YLPM1: variants seen among roughly 807,000 people sequenced by gnomAD.
YLPM1 encodes the protein YLP motif-containing protein 1.
In YLPM1, 99 loss-of-function variants were observed where a neutral mutation model predicts 230.0. That is an observed-to-expected ratio of 0.43 (90% CI 0.37 to 0.51). YLPM1 has a LOEUF of 0.51. Among genes scored for constraint, YLPM1 ranks in the 20% least tolerant of loss-of-function variants. The pLI is 0.00. For missense variants in YLPM1, 2,592 were observed against 2,707.7 expected (o/e 0.96, Z 0.95); for synonymous variants, 984 against 942.5 (o/e 1.04, Z -0.81).
intron 17 of YLPM1, 57 bp downstream of exon 17, chr14:74,821,194 G>A (rs1276722533): frequency 2.7e-6 from 4 of 1,498,398 alleles, no homozygotes; most frequent in African/African-American, 1.4e-5. Context: ...TCTTAAAGAA[G>A]GTTTAAATTC....
intron 4 of YLPM1, among the ~76,000 whole-genome samples, chr14:74,795,864 G>A (rs1306482804): frequency 1.3e-5 from 2 of 152,188 alleles, no homozygotes; most frequent in Non-Finnish European, 2.9e-5. Flanking sequence ...TTCTCTCTTA[G>A]GACTTAGGTG....
chr14:74,770,522 G>T (rs1004675230), intron 1 of YLPM1, among the ~76,000 whole-genome samples: 1 of 151,648 alleles, frequency 6.6e-6, no homozygotes, highest in Non-Finnish European at 1.5e-5. Flanking sequence ...CTACTTGGGA[G>T]GCTGAGGTGG....
intron 11 of YLPM1, 80 bp downstream of exon 11, chr14:74,812,862 T>A: frequency 6.8e-7 from 1 of 1,470,044 alleles, no homozygotes; most frequent in Non-Finnish European, 9.1e-7. Context: ...AGAATTTCTT[T>A]ATTTTTCTGC....
At chr14:74,788,755 A>G (rs1339256548) in intron 4 of YLPM1, among the ~76,000 whole-genome samples, 3 of 152,070 alleles carry the variant, frequency 2.0e-5, no homozygotes, top group South Asian at 4.2e-4. Flanking sequence ...AGGTGGGAGG[A>G]TCGCTTGAGC....
Position 74,821,063 on chromosome 14 carries a change from A to C in YLPM1, c.6037A>C (p.Met2013Leu). The C allele has an allele frequency of 6.6e-7, 1 of 1,517,418 alleles. No individual in the cohort carries two copies. The highest frequency in any genetic ancestry group is 8.8e-7 in the Non-Finnish European group (1 of 1,133,408). 94.0% of individuals were successfully genotyped at this position (1,517,418 alleles called of 1,614,324 possible). Residue 2013 changes from methionine (M) to leucine (L), a missense_variant, in exon 17 of 21, where the codon ATG becomes CTG. Met to Leu is a conservative substitution (Grantham distance 15, BLOSUM62 2). This residue lies in a region of YLPM1 where 315 missense variants were observed against 429.3 expected (regional missense o/e 0.73). Coordinates refer to ENST00000325680, the MANE Select transcript of YLPM1 (RefSeq NM_019589.3). ...LQDAAIEEVEMEDFDANIEEQ... is the reference protein window; with the variant it reads ...LQDAAIEEVELEDFDANIEEQ... ...TTTTTAATGGTTGGTATAGGTAGAG[A>C]TGGAAGATTTTGATGCAAATATCGA...
chr14:74,836,540 C>G lies in YLPM1; in HGVS notation c.*802C>G, dbSNP rs2140151232. 1 of 152,388 alleles carries G rather than the reference C, an allele frequency of 6.6e-6. No individual in the cohort carries two copies. The highest frequency in any genetic ancestry group is 2.4e-5 in the African/African-American group (1 of 41,544). 9.4% of individuals were successfully genotyped at this position (152,388 alleles called of 1,614,324 possible). ...CTTCTTTCCTTCCTTCTTCTTTTCA[C>G]TTTCTGCCTTTATGCTGTTAGGTTT... On this transcript the variant is annotated 3_prime_UTR_variant, in exon 21 of 21. Coordinates refer to ENST00000325680, the MANE Select transcript of YLPM1 (RefSeq NM_019589.3).
chr14:74,835,468 A>G, intron 20 of YLPM1, 21 bp downstream of exon 20: 3 of 1,586,568 alleles, frequency 1.9e-6, no homozygotes, highest in South Asian at 2.3e-5. Context: ...ACAGTCATAT[A>G]AATAGCCTAC....
chr14:74,825,957 C>T (rs527418525), intron 18 of YLPM1, among the ~76,000 whole-genome samples: 30 of 152,162 alleles, frequency 2.0e-4, no homozygotes, highest in Admixed American at 1.4e-3. Flanking sequence ...ACATTCTGGC[C>T]CGTCTACCAT....
chr14:74,764,990 A>G (rs1438436658), intron 1 of YLPM1, among the ~76,000 whole-genome samples: 2 of 152,180 alleles, frequency 1.3e-5, no homozygotes, highest in African/African-American at 2.4e-5. Flanking sequence ...ATTGACCCAG[A>G]CATCCTTTTC....
chr14:74,775,388 G>A (rs1385078642), intron 1 of YLPM1, among the ~76,000 whole-genome samples: 1 of 152,158 alleles, frequency 6.6e-6, no homozygotes, highest in East Asian at 1.9e-4. Context: ...TGAGAAAAAG[G>A]TATGTATTAT....
At chr14:74,797,148 ATTTTTTT>A in intron 4 of YLPM1, among the ~76,000 whole-genome samples, 1 of 100,780 alleles carries the variant, frequency 9.9e-6, no homozygotes, top group Admixed American at 1.1e-4. Flanking sequence ...AAATTTTTGT[ATTTTTTT>A]TTTTTTTTTT....
intron 11 of YLPM1, among the ~76,000 whole-genome samples, chr14:74,814,078 G>A (rs548150892): frequency 1.3e-4 from 20 of 152,308 alleles, no homozygotes; most frequent in South Asian, 6.2e-4. Context: ...TAAGAATGAT[G>A]TTGCTGGGTG....
Position 74,798,208 on chromosome 14 carries a change from G to A in YLPM1, c.2911G>A (p.Val971Ile). Residue 971 changes from valine to isoleucine, a missense_variant, in exon 5 of 21, where the codon GTA (valine) becomes ATA (isoleucine). Val to Ile is a conservative substitution (Grantham distance 29). Around this residue, in one of 4 missense-constraint regions of YLPM1, gnomAD observed 1,862 missense variants for 1,819.8 expected, o/e 1.02. Coordinates refer to ENST00000325680, the MANE Select transcript of YLPM1 (RefSeq NM_019589.3). ...KTGGMEGGTA[V>I]ATSSLTADND... ...AGGGGGGATGGAGGGAGGAACAGCA[G>A]TAGCAACATCATCATTAACAGCAGA... is the stretch of plus-strand genomic sequence containing the variant. 3 of 1,614,022 alleles carry A rather than the reference G, an allele frequency of 1.9e-6. No individual in the cohort carries two copies. The highest frequency in any genetic ancestry group is 2.5e-6 in the Non-Finnish European group (3 of 1,179,892).
chr14:74,798,652 A>G lies in YLPM1; in HGVS notation c.3355A>G (p.Ser1119Gly). The G allele has an allele frequency of 6.2e-7, 1 of 1,612,086 alleles. No individual in the cohort carries two copies. Among genetic ancestry groups the G allele is most frequent in the South Asian group, 1.1e-5 (1 of 90,918 alleles). Residue 1119 changes from serine (S) to glycine (G), a missense_variant, in exon 5 of 21, where the codon AGT becomes GGT. Physicochemically the swap from Ser to Gly is moderately conservative, Grantham distance 56. This residue lies in a region of YLPM1 where 1,862 missense variants were observed against 1,819.8 expected (regional missense o/e 1.02). Transcript: ENST00000325680. The part of the protein sequence containing the change: ...RERGPPRRAG[S>G]QERGPLRRAG... ...AAGGGGACCACCTCGGAGGGCTGGC[A>G]GTCAGGAGAGGGGACCTCTTCGAAG...
At chr14:74,790,380 C>T (rs2091194548) in intron 4 of YLPM1, among the ~76,000 whole-genome samples, 1 of 152,222 alleles carries the variant, frequency 6.6e-6, no homozygotes, top group South Asian at 2.1e-4. Flanking sequence ...GAAAAGAAAA[C>T]AGGAAGGAAT....
Position 74,835,247 on chromosome 14 carries a change from A to G in YLPM1, c.6295-18A>G, listed in dbSNP as rs768516378. Reference sequence around the variant, plus strand: ...TTTATTTTTCCTAAAGCTCAGCCTAATGCTATGTTCTTTTTAGGTCAGATG... The same window carrying G: ...TTTATTTTTCCTAAAGCTCAGCCTAGTGCTATGTTCTTTTTAGGTCAGATG... On this transcript the variant is annotated intron_variant, in intron 19 of 20. Coordinates refer to ENST00000325680, the MANE Select transcript of YLPM1 (RefSeq NM_019589.3). 6.2e-7 allele frequency: 1 copy of G among 1,613,064 alleles called. No individual in the cohort carries two copies. The highest frequency in any genetic ancestry group is 1.1e-5 in the South Asian group (1 of 90,994).
chr14:74,782,094 C>G lies in YLPM1; in HGVS notation c.2051C>G (p.Thr684Ser), dbSNP rs781402456. Residue 684 changes from threonine to serine, a missense_variant, in exon 4 of 21, where the codon ACT becomes AGT. Physicochemically the swap from Thr to Ser is moderately conservative, Grantham distance 58. Around this residue, in one of 4 missense-constraint regions of YLPM1, gnomAD observed 1,862 missense variants for 1,819.8 expected, o/e 1.02. Transcript: ENST00000325680. ...PVSFGSAPPT[T>S]YHPPLQSAGP... ...TCTTTTGGTTCTGCCCCACCGACAA[C>G]TTACCATCCTCCGTTGCAATCAGCT... 1 of 1,614,046 alleles carries G rather than the reference C, an allele frequency of 6.2e-7. No individual in the cohort carries two copies. Among genetic ancestry groups the G allele is most frequent in the Non-Finnish European group, 8.5e-7 (1 of 1,179,902 alleles).
intron 16 of YLPM1, among the ~76,000 whole-genome samples, chr14:74,819,680 C>T (rs574182558): frequency 7.3e-4 from 111 of 152,278 alleles, no homozygotes; most frequent in African/African-American, 2.5e-3. Context: ...TAATGATTTC[C>T]GTGGCAGTGG....
chr14:74,829,174 A>G, intron 18 of YLPM1, 39 bp from the exon 19 acceptor site: 1 of 1,609,694 alleles, frequency 6.2e-7, no homozygotes, highest in Non-Finnish European at 8.5e-7. Context: ...GCAAACTCAC[A>G]CTCTTCCTTA....
Sources: allele counts gnomAD v4.1 joint callset (sites outside exome capture counted in the v4.1 genomes callset), GRCh38; gene constraint gnomAD v4.1.1; regional missense constraint gnomAD v4.1.1; transcripts MANE v1.5; gene names NCBI Gene and HGNC (gene_info 2026-07-23, HGNC 2026-07-21).